Variants in RAB38 observed in about 807,000 individuals in gnomAD.
RAB38 encodes the protein RAB38, member RAS oncogene family, also known as ras-related protein Rab-38.
A neutral mutation model predicts 18.4 loss-of-function variants in RAB38; 15 were observed. The ratio of observed to expected loss-of-function variants is 0.82; its 90% CI spans 0.55 to 1.26. The LOEUF (loss-of-function observed/expected upper bound fraction) is 1.26. Ranked by LOEUF, RAB38 falls within the 50% of genes most tolerant of loss-of-function variation. RAB38 has a pLI of 0.00. For missense variants in RAB38, 294 were observed against 267.4 expected, an observed-to-expected ratio of 1.10 and a Z score of -0.69; for synonymous variants, 101 against 104.4, an observed-to-expected ratio of 0.97 and a Z score of 0.20.
At chr11:87,906,321 C>A in the RAB38 span, among the ~76,000 whole-genome samples, 2 of 151,860 alleles carry the variant, frequency 1.3e-5, no homozygotes, top group African/African-American at 4.8e-5. Flanking sequence ...AAACTTATAA[C>A]CATTTGATTA....
At chr11:87,957,510 G>A in the RAB38 span, among the ~76,000 whole-genome samples, 2 of 152,274 alleles carry the variant, frequency 1.3e-5, no homozygotes, top group East Asian at 3.9e-4. Flanking sequence ...TTGTGAAGAA[G>A]CATGATTGGA....
chr11:88,006,694 T>C, the RAB38 span, among the ~76,000 whole-genome samples: 1 of 149,506 alleles, frequency 6.7e-6, no homozygotes, highest in South Asian at 2.1e-4. Flanking sequence ...ATCCTGTCAT[T>C]TGTAGCAACA....
At chr11:88,175,129 T>C in intron 1 of RAB38, 54 bp downstream of exon 1, 1 of 1,495,180 alleles carries the variant, frequency 6.7e-7, no homozygotes, top group Non-Finnish European at 9.0e-7. Flanking sequence ...GCCTCGAGAC[T>C]GGAAACCGGC....
the RAB38 span, among the ~76,000 whole-genome samples, chr11:88,077,487 G>T: frequency 6.6e-6 from 1 of 152,070 alleles, no homozygotes; most frequent in Non-Finnish European, 1.5e-5. Context: ...GCAGAACCCA[G>T]ATATAAGTCA....
At chr11:87,976,560 A>G in the RAB38 span, among the ~76,000 whole-genome samples, 4 of 122,840 alleles carry the variant, frequency 3.3e-5, no homozygotes, top group South Asian at 2.4e-4. Flanking sequence ...ATATACTTAT[A>G]TAACTATACA....
chr11:87,931,584 A>G, the RAB38 span, among the ~76,000 whole-genome samples: 5 of 152,112 alleles, frequency 3.3e-5, no homozygotes, highest in Non-Finnish European at 7.4e-5. Flanking sequence ...GAATTCCCTG[A>G]ACACCAGGCA....
At chr11:87,860,721 G>A in the RAB38 span, among the ~76,000 whole-genome samples, 2 of 151,844 alleles carry the variant, frequency 1.3e-5, no homozygotes, top group African/African-American at 2.4e-5. Flanking sequence ...AAATTGTTTT[G>A]ATAGAGATAA....
chr11:87,945,430 A>G, the RAB38 span, among the ~76,000 whole-genome samples: 2 of 152,168 alleles, frequency 1.3e-5, no homozygotes, highest in Non-Finnish European at 2.9e-5. Flanking sequence ...AAATGGAGCA[A>G]TTTAACAAAT....
At chr11:87,926,123 T>C in the RAB38 span, among the ~76,000 whole-genome samples, 1 of 151,672 alleles carries the variant, frequency 6.6e-6, no homozygotes, top group African/African-American at 2.4e-5. Context: ...TCATCATTCA[T>C]GGATAATGAG....
intron 1 of RAB38, among the ~76,000 whole-genome samples, chr11:88,160,149 TA>T (rs1296157381): frequency 2.0e-5 from 3 of 151,450 alleles, no homozygotes; most frequent in Non-Finnish European, 3.0e-5. Context: ...ACAACCCCAC[TA>T]AAAAAATGGG....
the RAB38 span, among the ~76,000 whole-genome samples, chr11:87,881,441 A>G: frequency 9.9e-5 from 15 of 151,778 alleles, no homozygotes; most frequent in South Asian, 2.7e-3. Context: ...GGTTCACATG[A>G]TTTTAATTTT....
chr11:87,842,818 A>ACG, the RAB38 span, among the ~76,000 whole-genome samples: 1 of 4,204 alleles, frequency 2.4e-4, no homozygotes. Flanking sequence ...ACGCGCGCGC[A>ACG]CACACACACA....
At chr11:88,120,889 A>G (rs1942619918) in intron 2 of RAB38, among the ~76,000 whole-genome samples, 1 of 152,208 alleles carries the variant, frequency 6.6e-6, no homozygotes, top group African/African-American at 2.4e-5. Flanking sequence ...GCTCACAGAG[A>G]ATCACCAAAT....
At chr11:87,893,517 A>G in the RAB38 span, among the ~76,000 whole-genome samples, 1 of 150,946 alleles carries the variant, frequency 6.6e-6, no homozygotes, top group Non-Finnish European at 1.5e-5. Flanking sequence ...AAAAAATTGT[A>G]GTAAAAAAGC....
intron 1 of RAB38, among the ~76,000 whole-genome samples, chr11:88,159,708 G>A (rs868216446): frequency 1.7e-4 from 26 of 151,988 alleles, no homozygotes; most frequent in African/African-American, 6.0e-4. Context: ...TAACAAAGAT[G>A]ACAAAACTGA....
chr11:87,869,196 C>T, the RAB38 span, among the ~76,000 whole-genome samples: 2 of 151,804 alleles, frequency 1.3e-5, no homozygotes, highest in South Asian at 4.1e-4. Context: ...TGATCATCTG[C>T]TCTCTCATCA....
the RAB38 span, among the ~76,000 whole-genome samples, chr11:88,039,513 C>A: frequency 0.47 from 70,867 of 151,858 alleles, 18,189 homozygotes; most frequent in Non-Finnish European, 0.58. Context: ...GAAAAGTGTG[C>A]ACAGGGACTT....
At chr11:87,861,606 C>T in the RAB38 span, among the ~76,000 whole-genome samples, 4 of 151,748 alleles carry the variant, frequency 2.6e-5, no homozygotes, top group African/African-American at 4.8e-5. Context: ...AAAAGTGATA[C>T]TATCTGATTA....
chr11:87,941,067 A>G, the RAB38 span, among the ~76,000 whole-genome samples: 4 of 151,458 alleles, frequency 2.6e-5, no homozygotes, highest in Non-Finnish European at 5.9e-5. Context: ...ACCTAGAACT[A>G]AAGACAGATT....
Sources: gnomAD v4.1 joint callset for allele counts (sites outside exome capture counted in the v4.1 genomes callset) on GRCh38, gnomAD v4.1.1 for gene constraint, MANE v1.5 for transcripts, NCBI Gene and HGNC (gene_info 2026-07-23, HGNC 2026-07-21) for gene names.